The following AK7 variants were observed in gnomAD, a reference collection of about 807,000 sequenced individuals.
AK7 encodes ATP-AMP transphosphorylase 7.
Under a neutral mutation model 96.6 loss-of-function variants are expected in AK7, and 78 were observed. The ratio of observed to expected loss-of-function variants is 0.81; its 90% CI spans 0.67 to 0.97. The LOEUF is 0.97. Among genes scored for constraint, AK7 ranks in the 50% least tolerant of loss-of-function variants. The pLI, the probability that AK7 is intolerant of heterozygous loss-of-function variation, is 0.00. For missense variants in AK7, 855 were observed against 887.9 expected (o/e 0.96, Z 0.47); for synonymous variants, 302 against 317.2 (o/e 0.95, Z 0.51).
intron 5 of AK7, among the ~76,000 whole-genome samples, chr14:96,430,246 T>C (rs1654934152): frequency 6.7e-6 from 1 of 148,904 alleles, no homozygotes; most frequent in Admixed American, 6.8e-5. Flanking sequence ...AGTGCAGTGG[T>C]GCTATCTCGG....
chr14:96,475,877 G>A (rs1021859904), intron 14 of AK7, among the ~76,000 whole-genome samples: 7 of 152,042 alleles, frequency 4.6e-5, no homozygotes, highest in Non-Finnish European at 8.8e-5. Context: ...TACTCAGGAG[G>A]CTGAAGTGGG....
At chr14:96,420,576 T>C (rs996962395) in intron 4 of AK7, among the ~76,000 whole-genome samples, 2 of 150,492 alleles carry the variant, frequency 1.3e-5, no homozygotes, top group Non-Finnish European at 2.9e-5. Context: ...ATAAGCAGTA[T>C]GGCCAGACTC....
intron 16 of AK7, among the ~76,000 whole-genome samples, chr14:96,484,043 A>G (rs1895649807): frequency 6.6e-6 from 1 of 152,112 alleles, no homozygotes; most frequent in Non-Finnish European, 1.5e-5. Flanking sequence ...CAGCCTGGGC[A>G]ACATAGCAAG....
At position 96,478,508 on chromosome 14, in the gene AK7, G is replaced by A. The variant is rs1392810287; in HGVS notation, c.1599G>A (p.Glu533=). 1.5e-5 allele frequency: 24 copies of A among 1,614,162 alleles called. No homozygotes were observed. The highest frequency in any genetic ancestry group is 1.9e-5 in the Non-Finnish European group (23 of 1,180,034). ...ATGCTTCGGATGAGTTTCTGAAGGA[G>A]CGTGTGATAAACCTTCCTGAGAGCA... ...ALDASDEFLK[E]RVINLPESIV... is the part of the protein sequence containing the mutation. Residue 533 remains glutamate, a synonymous_variant, in exon 15 of 18, where the codon GAG becomes GAA. Transcript: ENST00000267584.
intron 8 of AK7, among the ~76,000 whole-genome samples, chr14:96,449,528 G>C (rs1893459125): frequency 6.6e-6 from 1 of 152,194 alleles, no homozygotes; most frequent in South Asian, 2.1e-4. Context: ...CTGTCTCTCA[G>C]GTTCAAGCAA....
At chr14:96,396,650 T>C (rs1890098701) in intron 1 of AK7, among the ~76,000 whole-genome samples, 1 of 152,250 alleles carries the variant, frequency 6.6e-6, no homozygotes, top group South Asian at 2.1e-4. Flanking sequence ...GGTATGGTAA[T>C]GCAATGATTA....
Position 96,451,588 on chromosome 14 carries a change from C to A in AK7, c.1098+18C>A. On this transcript the variant is annotated intron_variant, in intron 10 of 17. Coordinates refer to ENST00000267584, the MANE Select transcript of AK7 (RefSeq NM_152327.5). ...GATTGATGGTAACTATCACTGTTTC[C>A]CACTGAAACTTCTGATTCAAGCAAA... The A allele has an allele frequency of 7.0e-7, 1 of 1,430,882 alleles. No homozygotes were observed. Among genetic ancestry groups the A allele is most frequent in the Non-Finnish European group, 9.3e-7 (1 of 1,077,700 alleles). 88.6% of individuals were successfully genotyped at this position (1,430,882 alleles called of 1,614,324 possible).
chr14:96,429,068 G>T (rs1379143995), intron 5 of AK7, among the ~76,000 whole-genome samples: 1 of 152,134 alleles, frequency 6.6e-6, no homozygotes, highest in Non-Finnish European at 1.5e-5. Context: ...TATTGCCTAG[G>T]TTTTCTTCTG....
At chr14:96,409,740 ACATG>A (rs1393237288) in intron 4 of AK7, among the ~76,000 whole-genome samples, 1 of 152,230 alleles carries the variant, frequency 6.6e-6, no homozygotes, top group Admixed American at 6.5e-5. Flanking sequence ...TTGCAAGAAA[ACATG>A]AGCCACAGTC....
At chr14:96,397,664 A>T (rs972821184) in intron 1 of AK7, among the ~76,000 whole-genome samples, 2 of 152,254 alleles carry the variant, frequency 1.3e-5, no homozygotes, top group Admixed American at 6.5e-5. Flanking sequence ...CTGAGGCAGG[A>T]GGACCCCAGG....
At chr14:96,400,827 A>T (rs1427815206) in intron 2 of AK7, among the ~76,000 whole-genome samples, 32 of 152,198 alleles carry the variant, frequency 2.1e-4, no homozygotes, top group Admixed American at 2.1e-3. Flanking sequence ...AGAGGGAGTT[A>T]ATTTCCCGCA....
chr14:96,457,772 G>A (rs1015094588), intron 11 of AK7, among the ~76,000 whole-genome samples: 2 of 152,188 alleles, frequency 1.3e-5, no homozygotes, highest in Non-Finnish European at 2.9e-5. Flanking sequence ...CTTGATTTCT[G>A]CAACATGTGG....
At chr14:96,411,411 T>TG (rs1891019564) in intron 4 of AK7, among the ~76,000 whole-genome samples, 1 of 151,946 alleles carries the variant, frequency 6.6e-6, no homozygotes. Context: ...CTCAGGAGGC[T>TG]GAGGTGGGAG....
At chr14:96,440,225 C>G (rs983325232) in intron 6 of AK7, among the ~76,000 whole-genome samples, 2 of 152,196 alleles carry the variant, frequency 1.3e-5, no homozygotes, top group Non-Finnish European at 2.9e-5. Flanking sequence ...CCGCCCGCCT[C>G]AGCCTCCAAA....
chr14:96,457,984 T>C (rs1894027074), intron 11 of AK7, 99 bp from the exon 12 acceptor site: 1 of 1,541,468 alleles, frequency 6.5e-7, no homozygotes, highest in East Asian at 2.3e-5. Flanking sequence ...CCTGTCCTAT[T>C]TGGATCCCAA....
chr14:96,429,072 T>C (rs1892195503), intron 5 of AK7, among the ~76,000 whole-genome samples: 1 of 152,262 alleles, frequency 6.6e-6, no homozygotes, highest in Non-Finnish European at 1.5e-5. Context: ...GCCTAGGTTT[T>C]CTTCTGGGGT....
Position 96,483,036 on chromosome 14 carries a change from T to G in AK7, c.1791T>G (p.Ala597=). 2 of 1,614,206 alleles carry G rather than the reference T, an allele frequency of 1.2e-6. No homozygotes were observed. The highest frequency in any genetic ancestry group is 1.7e-6 in the Non-Finnish European group (2 of 1,180,036). The change falls in exon 16 of 18, where the codon GCT becomes GCG. Residue 597 remains alanine (A), a synonymous_variant. Transcript: ENST00000267584. ...TTGAAGATGCTCAGAATAGACTTGC[T>G]ATCAAACAGCTCATCAAAGAGATTG... ...GKLEDAQNRL[A]IKQLIKEIGE...
At chr14:96,451,633 T>G in intron 10 of AK7, 63 bp downstream of exon 10, 1 of 1,344,088 alleles carries the variant, frequency 7.4e-7, no homozygotes, top group Non-Finnish European at 9.7e-7. Context: ...ACTTCTAGTG[T>G]GATGATGCCA....
rs115365090 is a variant in AK7 at position 96,483,091 on chromosome 14, G to A, written c.1846G>A (p.Glu616Lys). 1.1e-4 allele frequency: 172 copies of A among 1,614,176 alleles called. 1 individual carries two copies. The East Asian group carries it at 3.3e-3, about 31-fold the overall frequency. Residue 616 changes from glutamate (E) to lysine (K), a missense_variant, in exon 16 of 18, where the codon GAA (glutamate) becomes AAA (lysine). Coordinates refer to ENST00000267584, the MANE Select transcript of AK7 (RefSeq NM_152327.5). ...GEPRNYGLTD[E>K]EKAEEERKAA... The stretch of plus-strand genomic sequence containing the variant: ...GCCTCGAAATTATGGTTTAACAGAC[G>A]AAGAAAAGGCAGAAGAGGAGCGGAA...
Sources: allele counts gnomAD v4.1 joint callset (sites outside exome capture counted in the v4.1 genomes callset), GRCh38; gene constraint gnomAD v4.1.1; transcripts MANE v1.5; gene names NCBI Gene and HGNC (gene_info 2026-07-23, HGNC 2026-07-21).